The following ORC4 variants were observed in gnomAD, a reference collection of about 807,000 sequenced individuals.
ORC4 encodes origin recognition complex, subunit 4 homolog.
A neutral mutation model predicts 63.9 loss-of-function variants in ORC4; 55 were observed. That is an observed-to-expected ratio of 0.86 (90% CI 0.69 to 1.08). The LOEUF is 1.08. Ranked by LOEUF, ORC4 falls within the 50% of genes least tolerant of loss-of-function variation. ORC4 has a pLI of 0.00. For synonymous variants in ORC4, 150 were observed against 168.5 expected (o/e 0.89, Z 0.85); for missense variants, 511 against 504.4 (o/e 1.01, Z -0.13).
At chr2:147,956,749 T>C (rs1199136313) in intron 6 of ORC4, among the ~76,000 whole-genome samples, 1 of 152,098 alleles carries the variant, frequency 6.6e-6, no homozygotes, top group Admixed American at 6.6e-5. Context: ...CAACTTAAAC[T>C]AATAATCTCT....
At chr2:147,956,693 T>C (rs572900747) in intron 6 of ORC4, among the ~76,000 whole-genome samples, 1 of 152,250 alleles carries the variant, frequency 6.6e-6, no homozygotes, top group East Asian at 1.9e-4. Context: ...TATCGTATCA[T>C]GTTTGGCTAT....
rs578218519 is a variant in ORC4, at chr2:147,964,860, C to T, written c.226-5994G>A. Among the ~76,000 whole-genome samples, 5 of 151,952 alleles carry T rather than the reference C, an allele frequency of 3.3e-5. No homozygotes were observed. The East Asian group carries it at 9.7e-4, about 29-fold the overall frequency. ...CATTTTAGCTGATTGTCAGAATATACAACAGCAGATTTCTTAAGAGAAACC... is the reference window on the plus strand; with the variant it reads ...CATTTTAGCTGATTGTCAGAATATATAACAGCAGATTTCTTAAGAGAAACC... On this transcript the variant is annotated intron_variant, in intron 4 of 13. Transcript: ENST00000392857.
At chr2:147,999,952 A>C (rs1184137580) in intron 1 of ORC4, among the ~76,000 whole-genome samples, 1 of 151,980 alleles carries the variant, frequency 6.6e-6, no homozygotes, top group East Asian at 1.9e-4. Flanking sequence ...ACAGGATATA[A>C]TAAGAAAATT....
rs547335513 is a variant in ORC4, at chr2:147,933,267, A to G, written c.*2243T>C. On this transcript the variant is annotated 3_prime_UTR_variant, in exon 14 of 14. Coordinates refer to ENST00000392857, the MANE Select transcript of ORC4 (RefSeq NM_181741.4). Reference sequence around the variant, plus strand: ...ACCGCTTTTTAAACTAGGGTTTTTCATATTTGTTTTTATTGATGACAATTA... The same window carrying G: ...ACCGCTTTTTAAACTAGGGTTTTTCGTATTTGTTTTTATTGATGACAATTA... 5.3e-5 allele frequency: 8 copies of G among 152,146 alleles called. No individual in the cohort carries two copies. The South Asian group carries it at 1.2e-3, about 24-fold the overall frequency. The allele number at this position is 152,146 out of a possible 1,614,324, so 9.4% of individuals were successfully genotyped here.
At position 147,940,973 on chromosome 2, in the gene ORC4, T is replaced by C. The variant is rs183509280; in HGVS notation, c.850-1725A>G. On this transcript the variant is annotated intron_variant, in intron 10 of 13. Coordinates refer to ENST00000392857, the MANE Select transcript of ORC4 (RefSeq NM_181741.4). ...CTTCCCCACATAAAACAACCAAGTA[T>C]GTCTATACTATTAGGTTGGTGCAAA... Among the ~76,000 whole-genome samples, 188 of 152,280 alleles carry C rather than the reference T, an allele frequency of 1.2e-3. 1 individual carries two copies. Among genetic ancestry groups the C allele is most frequent in the South Asian group, 7.9e-3 (38 of 4,832 alleles).
intron 1 of ORC4, among the ~76,000 whole-genome samples, chr2:148,016,952 T>C (rs771788301): frequency 6.6e-6 from 1 of 152,170 alleles, no homozygotes; most frequent in Non-Finnish European, 1.5e-5. Flanking sequence ...CAAAACATTC[T>C]TCAAGATTGA....
chr2:147,995,816 C>T (rs116356855), intron 1 of ORC4, among the ~76,000 whole-genome samples: 501 of 152,218 alleles, frequency 3.3e-3, no homozygotes, highest in Non-Finnish European at 5.5e-3. Flanking sequence ...TTAACATTCA[C>T]TGCGAGGGTC....
Position 148,013,840 on chromosome 2 carries a change from A to G in ORC4, c.-18+6793T>C, listed in dbSNP as rs145579139. Among the ~76,000 whole-genome samples, 1,516 of 152,360 alleles carry G rather than the reference A, an allele frequency of 1.0e-2. 5 individuals are homozygous for G. The highest frequency in any genetic ancestry group is 0.014 in the Non-Finnish European group (942 of 68,032). On this transcript the variant is annotated intron_variant, in intron 1 of 13. Coordinates refer to ENST00000392857, the MANE Select transcript of ORC4 (RefSeq NM_181741.4). ...GGTTTTATTTATGGTAGTGGCAGAC[A>G]GGACCAACCTTTCTGCTGACGCCAA...
chr2:148,007,746 C>T (rs370889049), intron 1 of ORC4, among the ~76,000 whole-genome samples: 13 of 152,132 alleles, frequency 8.5e-5, no homozygotes, highest in African/African-American at 3.1e-4. Flanking sequence ...ATAGATTCAA[C>T]CCAAATAAGA....
rs1277779120 is a variant in ORC4, at chr2:147,931,121, C to A, written c.*4389G>T. The A allele has an allele frequency of 6.9e-6, 1 of 145,620 alleles. No individual in the cohort carries two copies. The highest frequency in any genetic ancestry group is 1.5e-5 in the Non-Finnish European group (1 of 66,732). The allele number at this position is 145,620 out of a possible 1,614,324, so 9.0% of individuals were successfully genotyped here. ...AATATGCGGTGTTTGGTTTTTTGTT[C>A]TTGTGATAGTTTACTGAGAATGATG... On this transcript the variant is annotated 3_prime_UTR_variant, in exon 14 of 14. Coordinates refer to ENST00000392857, the MANE Select transcript of ORC4 (RefSeq NM_181741.4).
chr2:148,002,733 G>A (rs544726712), intron 1 of ORC4, among the ~76,000 whole-genome samples: 79 of 152,072 alleles, frequency 5.2e-4, no homozygotes, highest in Non-Finnish European at 7.2e-4. Flanking sequence ...AAATTCAAAA[G>A]CCAGCAGAAG....
At chr2:148,007,711 G>A (rs1300273471) in intron 1 of ORC4, among the ~76,000 whole-genome samples, 2 of 152,030 alleles carry the variant, frequency 1.3e-5, no homozygotes, top group East Asian at 1.9e-4. Context: ...GAATATACAG[G>A]TACAAGAAGG....
intron 1 of ORC4, among the ~76,000 whole-genome samples, chr2:147,978,913 T>G (rs951729737): frequency 6.6e-6 from 1 of 152,190 alleles, no homozygotes; most frequent in Admixed American, 6.5e-5. Flanking sequence ...TCAATATTCC[T>G]TCAGGTTTAA....
At chr2:147,999,735 C>A (rs1293159587) in intron 1 of ORC4, among the ~76,000 whole-genome samples, 1 of 152,018 alleles carries the variant, frequency 6.6e-6, no homozygotes, top group African/African-American at 2.4e-5. Flanking sequence ...AATGCCCAGC[C>A]ATATTCACAG....
intron 1 of ORC4, among the ~76,000 whole-genome samples, chr2:147,980,306 A>G (rs1241204429): frequency 6.6e-6 from 1 of 152,158 alleles, no homozygotes; most frequent in East Asian, 1.9e-4. Context: ...CTTACATTGT[A>G]TTAGAAATTA....
At chr2:147,944,566 G>GT (rs1158697138) in intron 9 of ORC4, among the ~76,000 whole-genome samples, 1 of 151,968 alleles carries the variant, frequency 6.6e-6, no homozygotes, top group African/African-American at 2.4e-5. Context: ...TGAATGGAAG[G>GT]TGAGGAACAC....
At chr2:147,949,052 T>C (rs1299746485) in intron 8 of ORC4, among the ~76,000 whole-genome samples, 8 of 147,716 alleles carry the variant, frequency 5.4e-5, no homozygotes, top group Non-Finnish European at 1.0e-4. Context: ...CATCTATATA[T>C]ATACAGTATA....
At chr2:147,956,861 C>T (rs1185336919) in intron 6 of ORC4, among the ~76,000 whole-genome samples, 1 of 151,584 alleles carries the variant, frequency 6.6e-6, no homozygotes, top group East Asian at 1.9e-4. Context: ...TTAAAAATGT[C>T]AGAAACACCT....
chr2:148,000,787 G>T (rs1692254505), intron 1 of ORC4, among the ~76,000 whole-genome samples: 1 of 151,974 alleles, frequency 6.6e-6, no homozygotes, highest in South Asian at 2.1e-4. Context: ...AGATAGTTTG[G>T]GTCTAAATGA....
Sources: allele counts gnomAD v4.1 joint callset (sites outside exome capture counted in the v4.1 genomes callset), GRCh38; gene constraint gnomAD v4.1.1; transcripts MANE v1.5; gene names NCBI Gene and HGNC (gene_info 2026-07-23, HGNC 2026-07-21).